Variants in ADPRH observed in about 807,000 individuals in gnomAD.
ADPRH encodes ADP-ribose-L-arginine cleaving enzyme.
In ADPRH, 27 loss-of-function variants were observed where a neutral mutation model predicts 28.8. The ratio of observed to expected loss-of-function variants is 0.94; its 90% CI spans 0.69 to 1.29. The LOEUF is 1.29. ADPRH is among the 50% of genes most tolerant of loss of function. The pLI is 0.00. For synonymous variants in ADPRH, 161 were observed against 166.9 expected (o/e 0.96, Z 0.27); for missense variants, 419 against 444.8 (o/e 0.94, Z 0.52).
In ADPRH at chr3:119,589,369, TTCCTTCTCCTTTTG is replaced by T. The variant is rs1290229034; in HGVS notation, c.*1492_*1505del. ...CAGGGGTGGGAAGGAAGAGCGTCCC[TTCCTTCTCCTTTTG>T]AGAAAACCACAGAACTATGACTCTC... On this transcript the variant is annotated 3_prime_UTR_variant, in exon 5 of 5. Transcript: ENST00000357003. The T allele has an allele frequency of 6.6e-6, 1 of 151,866 alleles. No homozygotes were observed. The highest frequency in any genetic ancestry group is 1.5e-5 in the Non-Finnish European group (1 of 67,936). 9.4% of individuals were successfully genotyped at this position (151,866 alleles called of 1,614,324 possible).
rs1205717259 is a variant in ADPRH at position 119,582,109 on chromosome 3, CCTTTGT to C, written c.-36-21_-36-16del. 5.8e-5 allele frequency: 48 copies of C among 826,376 alleles called. No individual in the cohort carries two copies. The African/African-American group carries it at 7.0e-4, about 12-fold the overall frequency. 51.2% of individuals were successfully genotyped at this position (826,376 alleles called of 1,614,324 possible). On this transcript the variant is annotated intron_variant, in intron 2 of 4. Transcript: ENST00000357003. ...ATTCTTCTTGCTCCTCATCCTATTT[CCTTTGT>C]CTTAATTTCCCCACAAAGACACCCT...
rs2082497200 is a variant in ADPRH at position 119,589,624 on chromosome 3, G to A, written c.*1746G>A. 2 of 152,208 alleles carry A rather than the reference G, an allele frequency of 1.3e-5. No homozygotes were observed. Among genetic ancestry groups the A allele is most frequent in the African/African-American group, 2.4e-5 (1 of 41,446 alleles). 9.4% of individuals were successfully genotyped at this position (152,208 alleles called of 1,614,324 possible). ...GGATCTTAGCATTTGTTGTTTTCTA[G>A]TGCAGGGCTTTAGCCACAATTGTAA... On this transcript the variant is annotated 3_prime_UTR_variant, in exon 5 of 5. Coordinates refer to ENST00000357003, the MANE Select transcript of ADPRH (RefSeq NM_001125.4).
rs755276264 is a variant in ADPRH at position 119,582,496 on chromosome 3, A to G, written c.298+29A>G. On this transcript the variant is annotated intron_variant, in intron 3 of 4. Coordinates refer to ENST00000357003, the MANE Select transcript of ADPRH (RefSeq NM_001125.4). ...AGCACAGCCGGTGGGAGGTGCAAGG[A>G]GGGCAAAGAATAAAACAGCCTTGAG... 1.9e-6 allele frequency: 3 copies of G among 1,595,830 alleles called. No homozygotes were observed. In the African/African-American group the frequency reaches 4.0e-5, roughly 21 times the overall value.
At chr3:119,583,022 C>T (rs1322500099) in intron 3 of ADPRH, among the ~76,000 whole-genome samples, 4 of 152,132 alleles carry the variant, frequency 2.6e-5, no homozygotes, top group East Asian at 1.9e-4. Context: ...TCTGTAAAAC[C>T]GGTCGCTGGT....
chr3:119,586,747 A>G (rs2082465850), intron 4 of ADPRH, 102 bp downstream of exon 4: 2 of 1,495,388 alleles, frequency 1.3e-6, no homozygotes, highest in African/African-American at 2.8e-5. Context: ...AGCAACCCTC[A>G]TGGTTTTCAC....
chr3:119,582,098 T>G, intron 2 of ADPRH, 36 bp from the exon 3 acceptor site: 1 of 826,154 alleles, frequency 1.2e-6, no homozygotes, highest in Non-Finnish European at 1.8e-6. Context: ...TTCTTGCTCC[T>G]CATCCTATTT....
chr3:119,582,772 G>A (rs1028864795), intron 3 of ADPRH, among the ~76,000 whole-genome samples: 4 of 152,178 alleles, frequency 2.6e-5, no homozygotes, highest in African/African-American at 7.2e-5. Context: ...GGCTTGTTAG[G>A]AACTGGAGCA....
In ADPRH at chr3:119,586,507, C is replaced by T. The variant is rs201509638; in HGVS notation, c.521C>T (p.Ala174Val). 1.1e-5 allele frequency: 17 copies of T among 1,614,234 alleles called. No individual in the cohort carries two copies. Among genetic ancestry groups the T allele is most frequent in the East Asian group, 6.7e-5 (3 of 44,892 alleles). Residue 174 changes from alanine (A) to valine (V), a missense_variant, in exon 4 of 5, where the codon GCG becomes GTG. Transcript: ENST00000357003. Reference protein sequence around the residue: ...HHPTGYLGALASALFTAYAVN... With the variant: ...HHPTGYLGALVSALFTAYAVN... ...CCAACAGGCTACCTGGGGGCCCTTGCGTCTGCTCTTTTTACAGCCTATGCT... is the reference window on the plus strand; with the variant it reads ...CCAACAGGCTACCTGGGGGCCCTTGTGTCTGCTCTTTTTACAGCCTATGCT...
chr3:119,588,931 C>T lies in ADPRH; in HGVS notation c.*1053C>T, dbSNP rs762946738. ...AACTAGCCTCCTAGCTCGTGCTTCC[C>T]TCATTACCCTCCAGAGTTATGTTTA... is the stretch of plus-strand genomic sequence containing the variant. On this transcript the variant is annotated 3_prime_UTR_variant, in exon 5 of 5. Coordinates refer to ENST00000357003, the MANE Select transcript of ADPRH (RefSeq NM_001125.4). 2 of 152,252 alleles carry T rather than the reference C, an allele frequency of 1.3e-5. No individual in the cohort carries two copies. The highest frequency in any genetic ancestry group is 6.5e-5 in the Admixed American group (1 of 15,286). 9.4% of individuals were successfully genotyped at this position (152,252 alleles called of 1,614,324 possible).
rs2082485455 is a variant in ADPRH at position 119,588,394 on chromosome 3, CATTCCT to C, written c.*517_*522del. On this transcript the variant is annotated 3_prime_UTR_variant, in exon 5 of 5. Transcript: ENST00000357003. ...TGCCATCTGAGTCCTCTGCCTAAAG[CATTCCT>C]CAGAACTGTCCCATTTGAAGGGCAA... 6.6e-6 allele frequency: 1 copy of C among 152,478 alleles called. No homozygotes were observed. The highest frequency in any genetic ancestry group is 2.4e-5 in the African/African-American group (1 of 41,460). 9.4% of individuals were successfully genotyped at this position (152,478 alleles called of 1,614,324 possible).
chr3:119,586,154 C>A (rs2107762624), intron 3 of ADPRH, 131 bp from the exon 4 acceptor site: 1 of 1,340,526 alleles, frequency 7.5e-7, no homozygotes, highest in Non-Finnish European at 1.0e-6. Flanking sequence ...AGTTTTGGGG[C>A]ATGCATCATC....
Position 119,587,457 on chromosome 3 carries a change from T to TCTA in ADPRH, c.660-5_660-3dup. Reference sequence around the variant, plus strand: ...TCAATTGACTCTAGATTTTTTCCTTTCTACAGGTCCTACTTCCAAACCAAA... The same window carrying TCTA: ...TCAATTGACTCTAGATTTTTTCCTTTCTACTACAGGTCCTACTTCCAAACCAAA... On this transcript the variant is annotated splice_region_variant and splice_polypyrimidine_tract_variant and intron_variant, in intron 4 of 4. Transcript: ENST00000357003. 1 of 1,502,988 alleles carries TCTA rather than the reference T, an allele frequency of 6.7e-7. No individual in the cohort carries two copies. Among genetic ancestry groups the TCTA allele is most frequent in the Non-Finnish European group, 8.9e-7 (1 of 1,126,382 alleles). 93.1% of individuals were successfully genotyped at this position (1,502,988 alleles called of 1,614,324 possible).
chr3:119,582,185 G>A lies in ADPRH; in HGVS notation c.16G>A (p.Ala6Thr), dbSNP rs370199855. 1.9e-6 allele frequency: 3 copies of A among 1,606,642 alleles called. No individual in the cohort carries two copies. The highest frequency in any genetic ancestry group is 2.7e-5 in the African/African-American group (2 of 74,928). Residue 6 changes from alanine to threonine, a missense_variant, in exon 3 of 5, where the codon GCT becomes ACT. Coordinates refer to ENST00000357003, the MANE Select transcript of ADPRH (RefSeq NM_001125.4). ...TGAGGGACTGATGGAGAAGTATGTGGCTGCTATGGTGCTGAGTGCAGCTGG... is the reference window on the plus strand; with the variant it reads ...TGAGGGACTGATGGAGAAGTATGTGACTGCTATGGTGCTGAGTGCAGCTGG... MEKYV[A>T]AMVLSAAGDA...
chr3:119,584,670 T>G (rs1420200401), intron 3 of ADPRH, among the ~76,000 whole-genome samples: 1 of 152,214 alleles, frequency 6.6e-6, no homozygotes, highest in Non-Finnish European at 1.5e-5. Context: ...GGCCACCAGG[T>G]GATTTTCTCT....
Position 119,586,479 on chromosome 3 carries a change from C to G in ADPRH, c.493C>G (p.His165Asp). ...SIESGRMTHH[H>D]PTGYLGALAS... is the part of the protein sequence containing the mutation. ...CGAGAGTGGTCGGATGACCCACCAC[C>G]ACCCAACAGGCTACCTGGGGGCCCT... Residue 165 changes from histidine (H) to aspartate (D), a missense_variant, in exon 4 of 5, where the codon CAC (histidine) becomes GAC (aspartate). Transcript: ENST00000357003. 1 of 1,614,216 alleles carries G rather than the reference C, an allele frequency of 6.2e-7. No individual in the cohort carries two copies. The highest frequency in any genetic ancestry group is 8.5e-7 in the Non-Finnish European group (1 of 1,180,042).
In ADPRH at chr3:119,587,514, T is replaced by C. The variant is rs1375331319; in HGVS notation, c.710T>C (p.Leu237Ser). ...WENYLKLRGI[L>S]DGESAPTFPE... The stretch of plus-strand genomic sequence containing the variant: ...AATTACCTAAAACTTAGAGGGATTT[T>C]GGATGGAGAATCAGCCCCTACCTTC... Residue 237 changes from leucine to serine, a missense_variant, in exon 5 of 5, where the codon TTG (leucine) becomes TCG (serine). Coordinates refer to ENST00000357003, the MANE Select transcript of ADPRH (RefSeq NM_001125.4). 1.9e-6 allele frequency: 3 copies of C among 1,592,528 alleles called. No homozygotes were observed. Among genetic ancestry groups the C allele is most frequent in the Non-Finnish European group, 2.6e-6 (3 of 1,168,166 alleles).
At chr3:119,583,177 T>C (rs1348124849) in intron 3 of ADPRH, among the ~76,000 whole-genome samples, 2 of 152,114 alleles carry the variant, frequency 1.3e-5, no homozygotes, top group Non-Finnish European at 2.9e-5. Flanking sequence ...TACAGTGAGC[T>C]AGGATCGTGC....
Position 119,582,394 on chromosome 3 carries a change from G to A in ADPRH, c.225G>A (p.Lys75=), listed in dbSNP as rs1316404788. 1.9e-6 allele frequency: 3 copies of A among 1,614,154 alleles called. No homozygotes were observed. The highest frequency in any genetic ancestry group is 2.5e-6 in the Non-Finnish European group (3 of 1,180,024). The change falls in exon 3 of 5, where the codon AAG becomes AAA. Residue 75 remains lysine (K), a synonymous_variant. Transcript: ENST00000357003. ...TTGTGGAAGCTGGGAAAGCCCCTAA[G>A]TTGACTCAACTGTATTACCTCCTTG... is the stretch of plus-strand genomic sequence containing the variant. ...EALVEAGKAP[K]LTQLYYLLAK...
At chr3:119,583,660 C>T (rs1285451254) in intron 3 of ADPRH, among the ~76,000 whole-genome samples, 1 of 152,038 alleles carries the variant, frequency 6.6e-6, no homozygotes, top group African/African-American at 2.4e-5. Flanking sequence ...ACCTGTAATC[C>T]CAACACTGTG....
Sources: gnomAD v4.1 joint callset for allele counts (sites outside exome capture counted in the v4.1 genomes callset) on GRCh38, gnomAD v4.1.1 for gene constraint, MANE v1.5 for transcripts, NCBI Gene and HGNC (gene_info 2026-07-23, HGNC 2026-07-21) for gene names.